The following NCAM2 variants were observed in gnomAD, a reference collection of about 807,000 sequenced individuals.
NCAM2 encodes neural cell adhesion molecule 2.
In NCAM2, 30 loss-of-function variants were observed where a neutral mutation model predicts 98.1. The observed-to-expected ratio is 0.31, with a 90% CI of 0.23 to 0.41. NCAM2 has a LOEUF of 0.41. NCAM2 is among the 10% of genes least tolerant of loss of function. The pLI is 1.00. For missense variants in NCAM2, 867 were observed against 1,005.8 expected (o/e 0.86, Z 1.87); for synonymous variants, 368 against 342.4 (o/e 1.07, Z -0.83).
At chr21:21,209,668 T>C (rs550081828) in intron 1 of NCAM2, among the ~76,000 whole-genome samples, 20 of 150,340 alleles carry the variant, frequency 1.3e-4, no homozygotes, top group African/African-American at 4.8e-4. Flanking sequence ...GCTATTCTTT[T>C]ATAGTCTGCT....
chr21:21,367,976 C>A (rs1017334677), intron 8 of NCAM2, among the ~76,000 whole-genome samples: 5 of 151,904 alleles, frequency 3.3e-5, no homozygotes, highest in Non-Finnish European at 7.4e-5. Context: ...ATTTTGACAA[C>A]TGTCTGTTGG....
At position 21,432,279 on chromosome 21, in the gene NCAM2, A is replaced by G; in HGVS notation, c.1652A>G (p.Gln551Arg). The change falls in exon 12 of 18, where the codon CAA becomes CGA. Residue 551 changes from glutamine (Q) to arginine (R), a missense_variant and splice_region_variant. Gln to Arg is a conservative substitution (Grantham distance 43, BLOSUM62 1). Around this residue, in one of 5 missense-constraint regions of NCAM2, gnomAD observed 234 missense variants for 333.8 expected, o/e 0.70. Transcript: ENST00000400546. ...IWKIVRSHGV[Q>R]TMVVLNNLEP... is the part of the protein sequence containing the mutation. ...AAAATTGTACGCTCCCATGGAGTTC[A>G]AAGTGAGTCAACAATTTCAAAATGT... 1.2e-6 allele frequency: 2 copies of G among 1,612,466 alleles called. No homozygotes were observed. The highest frequency in any genetic ancestry group is 1.7e-6 in the Non-Finnish European group (2 of 1,178,784).
chr21:21,350,139 C>T (rs2075295689), intron 8 of NCAM2, among the ~76,000 whole-genome samples: 1 of 151,894 alleles, frequency 6.6e-6, no homozygotes, highest in Non-Finnish European at 1.5e-5. Flanking sequence ...GTGCTTTTTT[C>T]ACATTGCATG....
intron 10 of NCAM2, among the ~76,000 whole-genome samples, chr21:21,412,543 G>T (rs906694578): frequency 6.6e-6 from 1 of 152,022 alleles, no homozygotes; most frequent in Non-Finnish European, 1.5e-5. Context: ...TATTTAATGT[G>T]AAGGGACATT....
chr21:21,526,864 A>G (rs1329933363), intron 16 of NCAM2, among the ~76,000 whole-genome samples: 1 of 152,168 alleles, frequency 6.6e-6, no homozygotes, highest in African/African-American at 2.4e-5. Context: ...TAGTTAAGGC[A>G]GTACTATGGT....
intron 13 of NCAM2, among the ~76,000 whole-genome samples, chr21:21,467,857 C>A (rs1983923731): frequency 6.6e-6 from 1 of 151,240 alleles, no homozygotes; most frequent in Admixed American, 6.6e-5. Flanking sequence ...GAAACCCTGC[C>A]TCAAAAAAAG....
intron 5 of NCAM2, among the ~76,000 whole-genome samples, chr21:21,294,382 A>C (rs945561820): frequency 1.3e-5 from 2 of 151,872 alleles, no homozygotes; most frequent in Non-Finnish European, 2.9e-5. Flanking sequence ...ATATAGGAAT[A>C]TGTTTTTATG....
intron 15 of NCAM2, among the ~76,000 whole-genome samples, chr21:21,486,929 A>T (rs233765): frequency 0.77 from 117,601 of 151,968 alleles, 46,280 homozygotes; most frequent in African/African-American, 0.87. Context: ...TTTTAGTCCT[A>T]AACTTTATAA....
Position 21,052,150 on chromosome 21 carries a change from A to ATTT in NCAM2, c.55+53555_55+53557dup, listed in dbSNP as rs5842877. On this transcript the variant is annotated intron_variant, in intron 1 of 17. Transcript: ENST00000400546. ...ATGAGAACTCAAACTCATGATGGCC[A>ATTT]TTTTTTTTTTTTTTTTTTTTTTTTT... Among the ~76,000 whole-genome samples the ATTT allele has an allele frequency of 9.4e-5, 7 of 74,804 alleles. 1 individual carries two copies. The highest frequency in any genetic ancestry group is 4.1e-4 in the African/African-American group (7 of 17,170). The allele number at this position is 74,804 out of a possible 152,430, so 49.1% of individuals were successfully genotyped here. A position where few individuals can be genotyped will look rare whatever the true frequency, so the allele number is the denominator to read the frequency against.
intron 5 of NCAM2, among the ~76,000 whole-genome samples, chr21:21,308,502 T>C (rs2073950107): frequency 6.6e-6 from 1 of 152,164 alleles, no homozygotes; most frequent in Non-Finnish European, 1.5e-5. Flanking sequence ...TGTTCCTCTG[T>C]ACATAAAGTA....
intron 1 of NCAM2, among the ~76,000 whole-genome samples, chr21:21,073,834 C>T (rs754204786): frequency 6.6e-6 from 1 of 152,136 alleles, no homozygotes; most frequent in Admixed American, 6.5e-5. Flanking sequence ...AATATATGCT[C>T]GTTTCCAGTC....
intron 1 of NCAM2, among the ~76,000 whole-genome samples, chr21:21,143,302 A>AT (rs965278044): frequency 7.1e-4 from 108 of 152,134 alleles, no homozygotes; most frequent in African/African-American, 2.6e-3. Context: ...CAACGCATCT[A>AT]TTTTTATAGG....
In NCAM2 at chr21:21,053,198, A is replaced by G. The variant is rs111476896; in HGVS notation, c.55+54580A>G. On this transcript the variant is annotated intron_variant, in intron 1 of 17. Transcript: ENST00000400546. Reference sequence around the variant, plus strand: ...AATTTGCTTCTGAGTAAATATTTATATAATGATTGTGCATTTTAATGTCAA... The same window carrying G: ...AATTTGCTTCTGAGTAAATATTTATGTAATGATTGTGCATTTTAATGTCAA... 4.5e-3 allele frequency among the ~76,000 whole-genome samples: 691 copies of G among 152,250 alleles called. 3 individuals are homozygous for G. The highest frequency in any genetic ancestry group is 0.015 in the African/African-American group (633 of 41,576).
At chr21:21,054,712 T>G (rs2065179636) in intron 1 of NCAM2, among the ~76,000 whole-genome samples, 1 of 152,018 alleles carries the variant, frequency 6.6e-6, no homozygotes, top group African/African-American at 2.4e-5. Flanking sequence ...TTTGCCAAAA[T>G]TAATTCAAGT....
rs1170871844 is a variant in NCAM2, at chr21:21,169,409, G to T, written c.56-111169G>T. On this transcript the variant is annotated intron_variant, in intron 1 of 17. Transcript: ENST00000400546. ...TAATGACATTTTAGGTACACCAAAGGCACAATCTGTGAAAGAAATATTTGA... is the reference window on the plus strand; with the variant it reads ...TAATGACATTTTAGGTACACCAAAGTCACAATCTGTGAAAGAAATATTTGA... Among the ~76,000 whole-genome samples, 4 of 152,052 alleles carry T rather than the reference G, an allele frequency of 2.6e-5. No homozygotes were observed. In the South Asian group the frequency reaches 6.2e-4, roughly 24 times the overall value.
At chr21:21,146,564 T>G (rs2067280493) in intron 1 of NCAM2, among the ~76,000 whole-genome samples, 1 of 148,224 alleles carries the variant, frequency 6.7e-6, no homozygotes, top group Non-Finnish European at 1.5e-5. Flanking sequence ...TATGTATATA[T>G]ATATATATAT....
chr21:21,481,095 T>A (rs887105458), intron 15 of NCAM2, among the ~76,000 whole-genome samples: 2 of 152,188 alleles, frequency 1.3e-5, no homozygotes, highest in Admixed American at 1.3e-4. Context: ...GGTAAACCCG[T>A]CTAAGCAATG....
chr21:21,535,182 G>C (rs1044431069), intron 17 of NCAM2, among the ~76,000 whole-genome samples: 18 of 151,894 alleles, frequency 1.2e-4, no homozygotes, highest in Admixed American at 1.1e-3. Context: ...TATTTATTTT[G>C]CATCTCTAAT....
At chr21:21,490,536 A>C (rs1338714676) in intron 15 of NCAM2, among the ~76,000 whole-genome samples, 1 of 151,948 alleles carries the variant, frequency 6.6e-6, no homozygotes, top group Admixed American at 6.6e-5. Context: ...CATAATAATG[A>C]GACACAACTT....
Sources: gnomAD v4.1 joint callset for allele counts (sites outside exome capture counted in the v4.1 genomes callset) on GRCh38, gnomAD v4.1.1 for gene constraint, gnomAD v4.1.1 regional missense constraint, MANE v1.5 for transcripts, NCBI Gene and HGNC (gene_info 2026-07-23, HGNC 2026-07-21) for gene names.